Variants in PRORP observed in about 807,000 individuals in gnomAD.
The protein encoded by PRORP is protein only RNase P catalytic subunit.
Under a neutral mutation model 59.4 loss-of-function variants are expected in PRORP, and 51 were observed. That is an observed-to-expected ratio of 0.86 (90% CI 0.69 to 1.08). PRORP has a LOEUF of 1.08. PRORP is among the 50% of genes least tolerant of loss of function. The probability of loss-of-function intolerance (pLI) is 0.00; values close to 1 mark genes in which losing one functional copy is unlikely to be tolerated. For synonymous variants in PRORP, 231 were observed against 245.6 expected, an observed-to-expected ratio of 0.94 and a Z score of 0.55; for missense variants, 646 against 690.3, an observed-to-expected ratio of 0.94 and a Z score of 0.72.
chr14:35,245,239 T>C (rs1385239649), intron 5 of PRORP, among the ~76,000 whole-genome samples: 1 of 152,202 alleles, frequency 6.6e-6, no homozygotes, highest in Non-Finnish European at 1.5e-5. Flanking sequence ...TTCAATAAAA[T>C]GCAAGTCTTC....
intron 5 of PRORP, among the ~76,000 whole-genome samples, chr14:35,239,329 C>CA: frequency 6.7e-6 from 1 of 148,938 alleles, no homozygotes; most frequent in African/African-American, 2.5e-5. Flanking sequence ...GCCTGGGTGA[C>CA]AGAGTAAGAC....
At chr14:35,220,110 C>G (rs539562156) in intron 5 of PRORP, among the ~76,000 whole-genome samples, 1 of 152,274 alleles carries the variant, frequency 6.6e-6, no homozygotes, top group African/African-American at 2.4e-5. Context: ...CAAATAAGGT[C>G]ACATTCACAA....
intron 5 of PRORP, among the ~76,000 whole-genome samples, chr14:35,249,036 T>C (rs570689668): frequency 1.2e-4 from 19 of 152,216 alleles, no homozygotes; most frequent in African/African-American, 4.3e-4. Context: ...CTCAAGAGAG[T>C]TCATCAATCA....
At chr14:35,152,032 A>C (rs1211482276) in intron 4 of PRORP, among the ~76,000 whole-genome samples, 3 of 151,822 alleles carry the variant, frequency 2.0e-5, no homozygotes. Flanking sequence ...TCAGCAGATA[A>C]ACAAGTGAAC....
intron 5 of PRORP, among the ~76,000 whole-genome samples, chr14:35,229,302 G>T (rs2050014129): frequency 6.6e-6 from 1 of 151,988 alleles, no homozygotes; most frequent in Admixed American, 6.6e-5. Context: ...GTTTAATTAG[G>T]TCCCACTTGT....
intron 5 of PRORP, among the ~76,000 whole-genome samples, chr14:35,230,591 A>G (rs185819888): frequency 6.6e-6 from 1 of 152,150 alleles, no homozygotes; most frequent in Non-Finnish European, 1.5e-5. Flanking sequence ...CTGGGTAGGT[A>G]TCCTGCATTA....
At chr14:35,155,029 G>A (rs1300344016) in intron 4 of PRORP, among the ~76,000 whole-genome samples, 1 of 152,050 alleles carries the variant, frequency 6.6e-6, no homozygotes, top group East Asian at 1.9e-4. Flanking sequence ...TGAGTAGCTA[G>A]GACTACAGGT....
chr14:35,164,454 C>T (rs968319206), intron 4 of PRORP, among the ~76,000 whole-genome samples: 1 of 152,242 alleles, frequency 6.6e-6, no homozygotes, highest in African/African-American at 2.4e-5. Flanking sequence ...GCTATGCAAC[C>T]ATAAAAAAGA....
chr14:35,208,753 C>T (rs762150841), intron 5 of PRORP, among the ~76,000 whole-genome samples: 4 of 152,136 alleles, frequency 2.6e-5, no homozygotes, highest in Non-Finnish European at 4.4e-5. Flanking sequence ...CACCTGTAAT[C>T]CCAGTACTTT....
intron 4 of PRORP, among the ~76,000 whole-genome samples, chr14:35,166,760 CT>C (rs947031370): frequency 6.6e-5 from 10 of 152,034 alleles, no homozygotes; most frequent in African/African-American, 2.4e-4. Flanking sequence ...CTATCTGAAT[CT>C]TTAAGGCAAA....
intron 5 of PRORP, among the ~76,000 whole-genome samples, chr14:35,256,291 C>CA (rs199957765): frequency 0.4 from 32,793 of 81,682 alleles, 6,491 homozygotes; most frequent in East Asian, 0.73. Flanking sequence ...CTCAAAATCT[C>CA]AAAAAAAAAA....
Position 35,124,983 on chromosome 14 carries a change from C to G in PRORP, c.986+752C>G, listed in dbSNP as rs547074936. On this transcript the variant is annotated intron_variant, in intron 2 of 7. Transcript: ENST00000534898. ...CCCGGGTTTTCTCCTGCCTCACACTCCCGAGTAGCTGGGATTACAGGCATG... is the reference window on the plus strand; with the variant it reads ...CCCGGGTTTTCTCCTGCCTCACACTGCCGAGTAGCTGGGATTACAGGCATG... Among the ~76,000 whole-genome samples the G allele has an allele frequency of 9.3e-5, 14 of 151,220 alleles. No homozygotes were observed. The East Asian group carries it at 2.5e-3, about 27-fold the overall frequency.
intron 5 of PRORP, among the ~76,000 whole-genome samples, chr14:35,197,175 T>C (rs2049029323): frequency 6.6e-6 from 1 of 152,174 alleles, no homozygotes; most frequent in Admixed American, 6.5e-5. Flanking sequence ...TGATGTGTCA[T>C]TGATAATGTC....
chr14:35,180,539 T>TGTGTGTGTGTGTGTGTGTGTGTGG (rs2048578531), intron 4 of PRORP, 131 bp from the exon 5 acceptor site: 1 of 608,034 alleles, frequency 1.6e-6, no homozygotes, highest in Admixed American at 2.8e-5. Context: ...TGTGTGTGTG[T>TGTGTGTGTGTGTGTGTGTGTGTGG]GTGTGTGTGT....
At chr14:35,226,640 G>C (rs914901680) in intron 5 of PRORP, among the ~76,000 whole-genome samples, 2 of 152,138 alleles carry the variant, frequency 1.3e-5, no homozygotes, top group African/African-American at 4.8e-5. Context: ...TACCAAACTT[G>C]TGGCAACTTT....
chr14:35,221,196 GGA>G (rs2049770658), intron 5 of PRORP, among the ~76,000 whole-genome samples: 1 of 152,166 alleles, frequency 6.6e-6, no homozygotes. Context: ...ACTAGGGTGA[GGA>G]GAGTGAGCCA....
At chr14:35,235,216 G>A (rs2050179087) in intron 5 of PRORP, 2 of 715,450 alleles carry the variant, frequency 2.8e-6, no homozygotes, top group Admixed American at 1.8e-5. Context: ...TTGCCTTTTC[G>A]AGCTTGGTGA....
chr14:35,176,094 G>A (rs1168127689), intron 4 of PRORP, among the ~76,000 whole-genome samples: 1 of 152,054 alleles, frequency 6.6e-6, no homozygotes, highest in Non-Finnish European at 1.5e-5. Context: ...TGTTCCATTG[G>A]TCTATATCTC....
intron 5 of PRORP, among the ~76,000 whole-genome samples, chr14:35,209,918 C>G (rs1322050579): frequency 1.3e-5 from 2 of 152,156 alleles, no homozygotes; most frequent in East Asian, 3.8e-4. Flanking sequence ...TGTCTTCTAT[C>G]CTTCCTCTAG....
Sources: allele counts gnomAD v4.1 joint callset (sites outside exome capture counted in the v4.1 genomes callset), GRCh38; gene constraint gnomAD v4.1.1; transcripts MANE v1.5; gene names NCBI Gene and HGNC (gene_info 2026-07-23, HGNC 2026-07-21).